Variants in STX8 observed in about 807,000 individuals in gnomAD.
The protein encoded by STX8 is syntaxin 8.
Under a neutral mutation model 37.5 loss-of-function variants are expected in STX8, and 23 were observed. The ratio of observed to expected loss-of-function variants is 0.61; its 90% CI spans 0.44 to 0.87. STX8 has a LOEUF of 0.87. STX8 is among the 40% of genes least tolerant of loss of function. STX8 has a pLI of 0.00. For synonymous variants in STX8, 115 were observed against 99.1 expected (o/e 1.16, Z -0.95); for missense variants, 313 against 284.7 (o/e 1.10, Z -0.71).
chr17:9,412,750 TTAAGAG>T (rs750716983), intron 6 of STX8, among the ~76,000 whole-genome samples: 48 of 152,266 alleles, frequency 3.2e-4, no homozygotes, highest in South Asian at 1.5e-3. Flanking sequence ...CCTTCAGCAT[TTAAGAG>T]TTTCTGTCAA....
chr17:9,557,506 A>T lies in STX8; in HGVS notation c.140T>A (p.Leu47Ter). The part of the protein sequence containing the change: ...APKLTVTIRA[L>*]LQNLKEKIAL... The stretch of plus-strand genomic sequence containing the variant: ...GATCTTTTCCTTCAGGTTCTGCAAC[A>T]AAGCTCTGATTGTCACGGTAAGCTG... Residue 47 changes from leucine to a stop codon, truncating the protein, a stop_gained, in exon 3 of 8, where the codon TTG becomes TAG. Transcript: ENST00000306357. LOFTEE classifies it high-confidence loss of function. The T allele has an allele frequency of 6.2e-7, 1 of 1,614,122 alleles. No individual in the cohort carries two copies. Among genetic ancestry groups the T allele is most frequent in the East Asian group, 2.2e-5 (1 of 44,878 alleles).
chr17:9,311,904 G>C (rs1337199803), intron 7 of STX8, among the ~76,000 whole-genome samples: 8 of 152,032 alleles, frequency 5.3e-5, no homozygotes, highest in Non-Finnish European at 1.5e-5. Context: ...CTGGAGTGCA[G>C]CAGCGTGATC....
At chr17:9,399,138 A>G (rs1371954309) in intron 6 of STX8, among the ~76,000 whole-genome samples, 1 of 152,100 alleles carries the variant, frequency 6.6e-6, no homozygotes, top group East Asian at 1.9e-4. Context: ...GAAAGGGTGC[A>G]GCAATAGATT....
chr17:9,453,487 CT>C (rs1168841037), intron 6 of STX8, among the ~76,000 whole-genome samples: 3,210 of 112,244 alleles, frequency 0.029, 44 homozygotes, highest in African/African-American at 0.086. Flanking sequence ...CACTACTCAT[CT>C]TTTTTTTTTT....
At chr17:9,525,188 T>C (rs552646762) in intron 4 of STX8, among the ~76,000 whole-genome samples, 1 of 152,272 alleles carries the variant, frequency 6.6e-6, no homozygotes, top group African/African-American at 2.4e-5. Context: ...CAGGTGACTT[T>C]TATGCAATCA....
At chr17:9,310,505 T>A (rs977615667) in intron 7 of STX8, among the ~76,000 whole-genome samples, 3 of 152,134 alleles carry the variant, frequency 2.0e-5, no homozygotes, top group Admixed American at 1.3e-4. Context: ...TGAGGTACAA[T>A]GTAACCTGCT....
At chr17:9,314,804 T>A (rs1909324021) in intron 7 of STX8, among the ~76,000 whole-genome samples, 1 of 150,784 alleles carries the variant, frequency 6.6e-6, no homozygotes. Context: ...CAGAGAAGCC[T>A]TAAAAAACTG....
chr17:9,505,899 G>A (rs559526291), intron 4 of STX8, among the ~76,000 whole-genome samples: 1 of 146,758 alleles, frequency 6.8e-6, no homozygotes, highest in African/African-American at 2.5e-5. Context: ...CCAAGATGGC[G>A]CCACTGCACT....
chr17:9,491,686 C>T, intron 6 of STX8, 143 bp downstream of exon 6: 2 of 680,474 alleles, frequency 2.9e-6, no homozygotes, highest in Admixed American at 3.0e-5. Flanking sequence ...TGCCACAACC[C>T]CCACTCCAAT....
intron 4 of STX8, among the ~76,000 whole-genome samples, chr17:9,519,725 C>G (rs1042743937): frequency 6.9e-6 from 1 of 144,030 alleles, no homozygotes; most frequent in Admixed American, 7.2e-5. Context: ...CTTCGGCCCT[C>G]CAGACTGCTC....
At chr17:9,463,771 G>A (rs1905493529) in intron 6 of STX8, among the ~76,000 whole-genome samples, 1 of 152,200 alleles carries the variant, frequency 6.6e-6, no homozygotes, top group Non-Finnish European at 1.5e-5. Context: ...AGCAGGGTGT[G>A]GTGGCGCATG....
rs151018313 is a variant in STX8 at position 9,316,829 on chromosome 17, G to A, written c.643+61723C>T. 4.3e-3 allele frequency among the ~76,000 whole-genome samples: 650 copies of A among 152,250 alleles called. 7 individuals are homozygous for A. The highest frequency in any genetic ancestry group is 0.015 in the African/African-American group (608 of 41,536). On this transcript the variant is annotated intron_variant, in intron 7 of 7. Coordinates refer to ENST00000306357, the MANE Select transcript of STX8 (RefSeq NM_004853.3). ...TTTGAAGTAGGGGACAGTCTTAGGG[G>A]CCCTGTGAGATTTAACTCTAATTCC...
intron 1 of STX8, among the ~76,000 whole-genome samples, chr17:9,574,950 G>A (rs539728302): frequency 6.6e-6 from 1 of 152,204 alleles, no homozygotes; most frequent in Non-Finnish European, 1.5e-5. Flanking sequence ...CCAGGATGTG[G>A]GCAACTTAAA....
Position 9,258,796 on chromosome 17 carries a change from T to A in STX8, c.644-8151A>T, listed in dbSNP as rs530195620. 2.0e-5 allele frequency among the ~76,000 whole-genome samples: 3 copies of A among 152,332 alleles called. No individual in the cohort carries two copies. The South Asian group carries it at 6.2e-4, about 32-fold the overall frequency. On this transcript the variant is annotated intron_variant, in intron 7 of 7. Coordinates refer to ENST00000306357, the MANE Select transcript of STX8 (RefSeq NM_004853.3). ...GTGGCTCCAGGGGGTTGCATCTGACTCATCAATGGAGTCTCTGCCCGCTCC... is the reference window on the plus strand; with the variant it reads ...GTGGCTCCAGGGGGTTGCATCTGACACATCAATGGAGTCTCTGCCCGCTCC...
At chr17:9,313,457 C>T (rs903246901) in intron 7 of STX8, among the ~76,000 whole-genome samples, 11 of 152,226 alleles carry the variant, frequency 7.2e-5, no homozygotes, top group African/African-American at 2.7e-4. Context: ...TCCAACAGGA[C>T]AGTTCCTACA....
chr17:9,549,804 T>C (rs1906690990), intron 3 of STX8, among the ~76,000 whole-genome samples: 1 of 152,108 alleles, frequency 6.6e-6, no homozygotes. Flanking sequence ...TTGTTATTAG[T>C]AAGAGGTCAA....
intron 4 of STX8, among the ~76,000 whole-genome samples, chr17:9,518,868 CAAAA>C (rs58589067): frequency 1.0e-5 from 1 of 99,982 alleles, no homozygotes; most frequent in African/African-American, 3.3e-5. Context: ...GACTCCGTCT[CAAAA>C]AAAAAAAAAA....
intron 6 of STX8, among the ~76,000 whole-genome samples, chr17:9,436,128 G>A (rs1046417282): frequency 4.3e-4 from 65 of 152,082 alleles, no homozygotes; most frequent in Non-Finnish European, 8.4e-4. Flanking sequence ...CACGAGGTCA[G>A]GTGATCGAGA....
At position 9,453,303 on chromosome 17, in the gene STX8, T is replaced by C. The variant is rs142616213; in HGVS notation, c.541+38526A>G. Among the ~76,000 whole-genome samples, 495 of 152,296 alleles carry C rather than the reference T, an allele frequency of 3.3e-3. 4 individuals are homozygous for C. The highest frequency in any genetic ancestry group is 0.011 in the African/African-American group (469 of 41,554). On this transcript the variant is annotated intron_variant, in intron 6 of 7. Transcript: ENST00000306357. ...TGAATCAGCTCAGCTGCTACTGTGA[T>C]AGTAATCTCACCATCATTATGTTTA...
Sources: gnomAD v4.1 joint callset for allele counts (sites outside exome capture counted in the v4.1 genomes callset) on GRCh38, gnomAD v4.1.1 for gene constraint, MANE v1.5 for transcripts, NCBI Gene and HGNC (gene_info 2026-07-23, HGNC 2026-07-21) for gene names.